Variants in SPOCK3 observed in about 807,000 individuals in gnomAD.
SPOCK3 encodes the protein testican-3.
Under a neutral mutation model 56.6 loss-of-function variants are expected in SPOCK3, and 30 were observed. The observed-to-expected ratio is 0.53, with a 90% CI of 0.40 to 0.72. SPOCK3 has a LOEUF of 0.72. Ranked by LOEUF, SPOCK3 falls within the 30% of genes least tolerant of loss-of-function variation. SPOCK3 has a pLI of 0.00. For missense variants in SPOCK3, 527 were observed against 530.0 expected (o/e 0.99, Z 0.06); for synonymous variants, 196 against 183.3 (o/e 1.07, Z -0.56).
chr4:166,990,486 C>T (rs551422340), intron 4 of SPOCK3, among the ~76,000 whole-genome samples: 1 of 151,942 alleles, frequency 6.6e-6, no homozygotes, highest in African/African-American at 2.4e-5. Flanking sequence ...AAAGATTATT[C>T]AGGCTGAAAT....
At chr4:166,822,667 C>G (rs1391658384) in intron 6 of SPOCK3, among the ~76,000 whole-genome samples, 1 of 151,968 alleles carries the variant, frequency 6.6e-6, no homozygotes, top group Non-Finnish European at 1.5e-5. Context: ...GGATTGAAAT[C>G]CTGATAACAA....
At chr4:166,837,967 T>C (rs1746807806) in intron 6 of SPOCK3, among the ~76,000 whole-genome samples, 1 of 152,212 alleles carries the variant, frequency 6.6e-6, no homozygotes, top group Admixed American at 6.5e-5. Context: ...ACAGTTCTTT[T>C]CTTTCATCTC....
rs70957813 is a variant in SPOCK3, at chr4:167,116,913, G to GTATA, written c.190-54380_190-54377dup. Among the ~76,000 whole-genome samples the GTATA allele has an allele frequency of 1.9e-4, 23 of 121,536 alleles. 1 individual carries two copies. The highest frequency in any genetic ancestry group is 1.0e-3 in the South Asian group (4 of 3,856). The allele number at this position is 121,536 out of a possible 152,430, so 79.7% of individuals were successfully genotyped here. A position where few individuals can be genotyped will look rare whatever the true frequency, so the allele number is the denominator to read the frequency against. ...CATATATACTTTTGTGTGTGTGTGT[G>GTATA]TATATATATATATATATATACTTTT... On this transcript the variant is annotated intron_variant, in intron 2 of 10. Coordinates refer to ENST00000357545, the MANE Select transcript of SPOCK3 (RefSeq NM_001040159.2).
At chr4:166,777,728 C>A (rs968634415) in intron 7 of SPOCK3, among the ~76,000 whole-genome samples, 1 of 151,916 alleles carries the variant, frequency 6.6e-6, no homozygotes, top group African/African-American at 2.4e-5. Flanking sequence ...CAAAGTGAGG[C>A]CTTGTCTCAA....
chr4:166,937,950 T>TTA (rs1442377173), intron 4 of SPOCK3, among the ~76,000 whole-genome samples: 4 of 146,400 alleles, frequency 2.7e-5, no homozygotes, highest in Non-Finnish European at 6.0e-5. Context: ...TTTTTTTTTT[T>TTA]AATATTTTTA....
Position 166,800,131 on chromosome 4 carries a change from G to A in SPOCK3, c.590-7842C>T, listed in dbSNP as rs1742396754. On this transcript the variant is annotated intron_variant, in intron 6 of 10. Coordinates refer to ENST00000357545, the MANE Select transcript of SPOCK3 (RefSeq NM_001040159.2). ...CGGGAGGCGGAGCTTGCAGTGAGCC[G>A]AGATTGTGCCACTGCACTCCAGCCT... Among the ~76,000 whole-genome samples, 7 of 139,506 alleles carry A rather than the reference G, an allele frequency of 5.0e-5. No individual in the cohort carries two copies. The South Asian group carries it at 1.6e-3, about 33-fold the overall frequency. The allele number at this position is 139,506 out of a possible 152,430, so 91.5% of individuals were successfully genotyped here. A position where few individuals can be genotyped will look rare whatever the true frequency, so the allele number is the denominator to read the frequency against.
chr4:166,765,784 C>T (rs530065853), intron 7 of SPOCK3, among the ~76,000 whole-genome samples: 2 of 152,072 alleles, frequency 1.3e-5, no homozygotes, highest in East Asian at 3.9e-4. Flanking sequence ...GGGCAGTATG[C>T]CCATTTTTAT....
chr4:166,988,406 C>T (rs1747399386), intron 4 of SPOCK3, among the ~76,000 whole-genome samples: 1 of 151,880 alleles, frequency 6.6e-6, no homozygotes, highest in South Asian at 2.1e-4. Flanking sequence ...ATATATACAG[C>T]TTAATGCAAA....
chr4:166,820,964 A>G (rs1744875531), intron 6 of SPOCK3, among the ~76,000 whole-genome samples: 1 of 152,068 alleles, frequency 6.6e-6, no homozygotes, highest in Admixed American at 6.6e-5. Flanking sequence ...CATAAAAACT[A>G]AAAATGTCTG....
At chr4:166,949,448 G>T (rs2150032130) in intron 4 of SPOCK3, among the ~76,000 whole-genome samples, 1 of 152,208 alleles carries the variant, frequency 6.6e-6, no homozygotes, top group East Asian at 1.9e-4. Flanking sequence ...TTTCTGCTCT[G>T]TTTTTTCCCC....
intron 2 of SPOCK3, among the ~76,000 whole-genome samples, chr4:167,195,092 G>C (rs980763258): frequency 6.6e-6 from 1 of 152,148 alleles, no homozygotes; most frequent in African/African-American, 2.4e-5. Context: ...TACTGCCCCA[G>C]AGCATGAGTA....
At chr4:167,120,084 T>A (rs1168414691) in intron 2 of SPOCK3, among the ~76,000 whole-genome samples, 1 of 152,112 alleles carries the variant, frequency 6.6e-6, no homozygotes, top group Non-Finnish European at 1.5e-5. Context: ...TACACATACA[T>A]ATCTTTGTAT....
At chr4:166,867,739 T>C (rs1731989321) in intron 6 of SPOCK3, among the ~76,000 whole-genome samples, 1 of 151,562 alleles carries the variant, frequency 6.6e-6, no homozygotes, top group Non-Finnish European at 1.5e-5. Flanking sequence ...ACATTAATAG[T>C]AGGCATATAA....
At chr4:167,207,152 T>C (rs1234595885) in intron 2 of SPOCK3, among the ~76,000 whole-genome samples, 1 of 152,126 alleles carries the variant, frequency 6.6e-6, no homozygotes, top group African/African-American at 2.4e-5. Context: ...GTTGTTTTTA[T>C]TTATTTGAAA....
In SPOCK3 at chr4:166,974,877, G is replaced by A. The variant is rs546981504; in HGVS notation, c.350+25472C>T. On this transcript the variant is annotated intron_variant, in intron 4 of 10. Transcript: ENST00000357545. Reference sequence around the variant, plus strand: ...AAAACTTACACTGAATGTTAATCTCGAATGTAACATTATTGAAAGGTTGGG... The same window carrying A: ...AAAACTTACACTGAATGTTAATCTCAAATGTAACATTATTGAAAGGTTGGG... Among the ~76,000 whole-genome samples, 36 of 152,248 alleles carry A rather than the reference G, an allele frequency of 2.4e-4. 1 individual carries two copies. The South Asian group carries it at 7.0e-3, about 30-fold the overall frequency.
At chr4:166,944,074 G>C (rs1386024048) in intron 4 of SPOCK3, among the ~76,000 whole-genome samples, 4 of 152,284 alleles carry the variant, frequency 2.6e-5, no homozygotes, top group South Asian at 2.1e-4. Flanking sequence ...TTGAACCCGG[G>C]AGGCGAAGGT....
intron 2 of SPOCK3, among the ~76,000 whole-genome samples, chr4:167,099,801 T>C (rs958935188): frequency 2.0e-5 from 3 of 152,102 alleles, no homozygotes; most frequent in African/African-American, 7.2e-5. Context: ...AATTTTTCCT[T>C]TTCTCTGCTC....
intron 4 of SPOCK3, among the ~76,000 whole-genome samples, chr4:166,930,561 G>A (rs1206568173): frequency 5.9e-5 from 9 of 151,324 alleles, no homozygotes; most frequent in Admixed American, 1.3e-4. Context: ...CCATAAAAAT[G>A]AGAAAAAAGC....
chr4:167,012,199 C>A, intron 3 of SPOCK3, among the ~76,000 whole-genome samples: 1 of 151,818 alleles, frequency 6.6e-6, no homozygotes, highest in Middle Eastern at 3.4e-3. Flanking sequence ...AAGGTACAAG[C>A]AGTTATGTAA....
Sources: allele counts gnomAD v4.1 joint callset (sites outside exome capture counted in the v4.1 genomes callset), GRCh38; gene constraint gnomAD v4.1.1; transcripts MANE v1.5; gene names NCBI Gene and HGNC (gene_info 2026-07-23, HGNC 2026-07-21).